Variants in FANCA observed in about 807,000 individuals in gnomAD.
FANCA encodes the protein FA complementation group A.
FANCA carries 236 observed loss-of-function variants against 194.3 expected under a neutral mutation model. The observed-to-expected ratio is 1.21, with a 90% confidence interval of 1.09 to 1.35. FANCA has a LOEUF of 1.35. Ranked by LOEUF, FANCA falls within the 40% of genes most tolerant of loss-of-function variation. FANCA has a pLI of 0.00. For synonymous variants in FANCA, 1,014 were observed against 715.8 expected (o/e 1.42, Z -6.65); for missense variants, 2,628 against 1,813.9 (o/e 1.45, Z -8.15).
At position 89,771,765 on chromosome 16, in the gene FANCA, C is replaced by T; in HGVS notation, c.2064G>A (p.Leu688=). Residue 688 remains leucine, a synonymous_variant, in exon 23 of 43, where the codon CTG becomes CTA. Coordinates refer to ENST00000389301, the MANE Select transcript of FANCA (RefSeq NM_000135.4). ...AVISERLRAV[L]GHNEDDSSVE... The stretch of plus-strand genomic sequence containing the variant: ...CGCTGCTGTCATCCTCATTGTGGCC[C>T]AGGACAGCCCTCAGTCTTTCAGAAA... 1 of 1,614,074 alleles carries T rather than the reference C, an allele frequency of 6.2e-7. No individual in the cohort carries two copies. The highest frequency in any genetic ancestry group is 8.5e-7 in the Non-Finnish European group (1 of 1,180,036).
intron 38 of FANCA, chr16:89,740,492 G>A (rs1301316405): frequency 6.3e-6 from 3 of 473,286 alleles, no homozygotes; most frequent in Non-Finnish European, 1.1e-5. Flanking sequence ...AAAATTAGCC[G>A]GGTGTGACAG....
At chr16:89,801,805 T>A (rs1456657702) in intron 8 of FANCA, among the ~76,000 whole-genome samples, 3 of 151,108 alleles carry the variant, frequency 2.0e-5, no homozygotes, top group African/African-American at 4.9e-5. Context: ...GGAGAATCGG[T>A]TGAACCTGGG....
intron 23 of FANCA, 62 bp from the exon 24 acceptor site, chr16:89,770,696 C>T (rs1198007820): frequency 7.1e-6 from 10 of 1,409,518 alleles, no homozygotes; most frequent in Non-Finnish European, 9.8e-6. Context: ...GGAAGGAAGC[C>T]GGCCAGCGCT....
chr16:89,750,786 AAAC>A (rs1045681903), intron 31 of FANCA, among the ~76,000 whole-genome samples: 27 of 150,868 alleles, frequency 1.8e-4, no homozygotes, highest in African/African-American at 6.1e-4. Flanking sequence ...AAACAAAACA[AAAC>A]AACAACAAAA....
At position 89,770,259 on chromosome 16, in the gene FANCA, C is replaced by A; in HGVS notation, c.2223G>T (p.Arg741Ser). 6.4e-7 allele frequency: 1 copy of A among 1,571,860 alleles called. No individual in the cohort carries two copies. Among genetic ancestry groups the A allele is most frequent in the Non-Finnish European group, 8.6e-7 (1 of 1,158,422 alleles). ...CGAAGAGGGCAGCCCAGGGACCCTG[C>A]CTGCAGAGACAGCCGTGAAACCATC... ...MAASSVAPPERQGPWAALFVR... is the reference protein window; with the variant it reads ...MAASSVAPPESQGPWAALFVR... Residue 741 changes from arginine (R) to serine (S), a missense_variant and splice_region_variant, in exon 25 of 43, where the codon AGG becomes AGT. By Grantham distance (110) the Arg-to-Ser change is moderately radical. Coordinates refer to ENST00000389301, the MANE Select transcript of FANCA (RefSeq NM_000135.4).
chr16:89,752,262 T>C (rs1393326375), intron 30 of FANCA, 40 bp from the exon 31 acceptor site: 1 of 1,541,564 alleles, frequency 6.5e-7, no homozygotes, highest in Non-Finnish European at 9.0e-7. Context: ...CAGTATCGCC[T>C]AATAGTGCTG....
At position 89,778,789 on chromosome 16, in the gene FANCA, G is replaced by T; in HGVS notation, c.1826+12C>A. 6.2e-7 allele frequency: 1 copy of T among 1,613,058 alleles called. No individual in the cohort carries two copies. Among genetic ancestry groups the T allele is most frequent in the South Asian group, 1.1e-5 (1 of 91,040 alleles). On this transcript the variant is annotated intron_variant, in intron 20 of 42. Transcript: ENST00000389301. Reference sequence around the variant, plus strand: ...TGGAAGTAGTCATCCCCTTCTAACCGTTGCTGCATACCTCTTCAGAGACTC... The same window carrying T: ...TGGAAGTAGTCATCCCCTTCTAACCTTTGCTGCATACCTCTTCAGAGACTC...
At chr16:89,781,980 C>CT (rs1479467839) in intron 17 of FANCA, among the ~76,000 whole-genome samples, 1 of 151,240 alleles carries the variant, frequency 6.6e-6, no homozygotes. Context: ...GCACTCCAGC[C>CT]TGGGCGACAG....
rs1402841866 is a variant in FANCA at position 89,791,987 on chromosome 16, C to A, written c.1165G>T (p.Val389Leu). The change falls in exon 13 of 43, where the codon GTG becomes TTG. Residue 389 changes from valine (V) to leucine (L), a missense_variant. Coordinates refer to ENST00000389301, the MANE Select transcript of FANCA (RefSeq NM_000135.4). ...LETQEVHWQRVLSFVSALVVC... is the reference protein window; with the variant it reads ...LETQEVHWQRLLSFVSALVVC... ...ACCAGGGCAGACACAAAGGAGAGCA[C>A]TCTCTGCCAGTGAACCTCCTGCGTT... 6.2e-7 allele frequency: 1 copy of A among 1,614,212 alleles called. No homozygotes were observed. The highest frequency in any genetic ancestry group is 8.5e-7 in the Non-Finnish European group (1 of 1,180,026).
chr16:89,802,795 A>G (rs1221922050), intron 8 of FANCA, among the ~76,000 whole-genome samples: 5 of 152,208 alleles, frequency 3.3e-5, no homozygotes, highest in Admixed American at 6.5e-5. Flanking sequence ...AGCCAGGCAC[A>G]GAAGGACAAA....
chr16:89,791,376 T>C (rs764762658), intron 14 of FANCA, 27 bp downstream of exon 14: 4 of 1,612,352 alleles, frequency 2.5e-6, no homozygotes, highest in East Asian at 4.5e-5. Context: ...GATCAGGTAT[T>C]AGGTAGCCGA....
chr16:89,797,545 G>A (rs2040291416), intron 10 of FANCA, among the ~76,000 whole-genome samples: 1 of 152,274 alleles, frequency 6.6e-6, no homozygotes, highest in African/African-American at 2.4e-5. Flanking sequence ...GTGTGCAAGG[G>A]AAGCTGGCCA....
chr16:89,758,759 TCC>T, intron 29 of FANCA, 54 bp from the exon 30 acceptor site: 1 of 1,606,024 alleles, frequency 6.2e-7, no homozygotes, highest in African/African-American at 1.3e-5. Context: ...GGCCAGCGGT[TCC>T]CCATAACCAG....
At chr16:89,762,207 G>A (rs1264929424) in intron 28 of FANCA, among the ~76,000 whole-genome samples, 185 bp from the exon 29 acceptor site, 2 of 152,178 alleles carry the variant, frequency 1.3e-5, no homozygotes, top group Non-Finnish European at 2.9e-5. Context: ...TTTCTTACAG[G>A]ATTTCCCTAG....
At chr16:89,739,102 C>T in intron 41 of FANCA, 31 bp downstream of exon 41, 1 of 1,613,958 alleles carries the variant, frequency 6.2e-7, no homozygotes, top group Non-Finnish European at 8.5e-7. Context: ...GGGGGAGCTC[C>T]CCTGGAGGTG....
At chr16:89,744,607 C>T in intron 36 of FANCA, 2 of 362,840 alleles carry the variant, frequency 5.5e-6, no homozygotes, top group South Asian at 2.2e-5. Flanking sequence ...GAGCTCCTCA[C>T]TCAGACGGGA....
At chr16:89,753,242 G>A (rs924948230) in intron 30 of FANCA, among the ~76,000 whole-genome samples, 12 of 152,156 alleles carry the variant, frequency 7.9e-5, no homozygotes, top group African/African-American at 2.9e-4. Flanking sequence ...CATTGGAGGT[G>A]ACTCACATTG....
intron 14 of FANCA, among the ~76,000 whole-genome samples, chr16:89,788,338 G>A (rs2039963199): frequency 1.3e-5 from 2 of 152,002 alleles, no homozygotes; most frequent in African/African-American, 2.4e-5. Context: ...GCAGGCACCT[G>A]TAGTCCCAGC....
At chr16:89,778,902 T>C in intron 19 of FANCA, 41 bp downstream of exon 19, 1 of 1,613,992 alleles carries the variant, frequency 6.2e-7, no homozygotes, top group South Asian at 1.1e-5. Context: ...GTCCTTGCTT[T>C]CTACACAACT....
Sources: gnomAD v4.1 joint callset for allele counts (sites outside exome capture counted in the v4.1 genomes callset) on GRCh38, gnomAD v4.1.1 for gene constraint, MANE v1.5 for transcripts, NCBI Gene and HGNC (gene_info 2026-07-23, HGNC 2026-07-21) for gene names.